TCF4: variants seen among roughly 807,000 people sequenced by gnomAD.
TCF4 encodes the protein transcription factor 4.
Under a neutral mutation model 82.1 loss-of-function variants are expected in TCF4, and 3 were observed. The observed-to-expected ratio is 0.04, with a 90% CI of 0.02 to 0.09. TCF4 has a LOEUF of 0.09. TCF4 is among the 10% of genes least tolerant of loss of function. The probability of loss-of-function intolerance (pLI) is 1.00; values close to 1 mark genes in which losing one functional copy is unlikely to be tolerated. For synonymous variants in TCF4, 276 were observed against 309.6 expected, an observed-to-expected ratio of 0.89 and a Z score of 1.14; for missense variants, 518 against 852.7, an observed-to-expected ratio of 0.61 and a Z score of 4.89.
rs2046140170 is a variant in TCF4, at chr18:55,223,474, T to G, written c.*4561A>C. 6.6e-6 allele frequency: 1 copy of G among 152,644 alleles called. No homozygotes were observed. The highest frequency in any genetic ancestry group is 2.4e-5 in the African/African-American group (1 of 41,460). 9.5% of individuals were successfully genotyped at this position (152,644 alleles called of 1,614,324 possible). On this transcript the variant is annotated 3_prime_UTR_variant, in exon 20 of 20. Transcript: ENST00000354452. ...CAGTTTATAAAAATGGCACATTTAT[T>G]GCTACAGAACGGTCATGTACATGAC...
chr18:55,596,028 T>C (rs2097690539), intron 2 of TCF4: 1 of 373,386 alleles, frequency 2.7e-6, no homozygotes, highest in Non-Finnish European at 5.3e-6. Context: ...AGGTCAGGAG[T>C]TCGTGACCAG....
chr18:55,613,997 C>T (rs1026909755), intron 2 of TCF4, among the ~76,000 whole-genome samples: 13 of 152,160 alleles, frequency 8.5e-5, no homozygotes, highest in African/African-American at 3.1e-4. Context: ...TAGCTCACTG[C>T]GGCCTGGGCT....
At chr18:55,464,004 A>AAC in intron 4 of TCF4, 72 bp downstream of exon 4, 5 of 1,276,912 alleles carry the variant, frequency 3.9e-6, no homozygotes, top group Non-Finnish European at 5.6e-6. Flanking sequence ...GAGAGAGAGA[A>AAC]ACACACCTTC....
At chr18:55,520,913 T>A (rs1300522330) in intron 3 of TCF4, among the ~76,000 whole-genome samples, 3 of 152,238 alleles carry the variant, frequency 2.0e-5, no homozygotes, top group Non-Finnish European at 4.4e-5. Flanking sequence ...TGACATTTTT[T>A]TCTTTCAGCC....
intron 8 of TCF4, among the ~76,000 whole-genome samples, chr18:55,284,891 T>A (rs1455917420): frequency 6.6e-6 from 1 of 152,188 alleles, no homozygotes; most frequent in Admixed American, 6.5e-5. Context: ...TGAGTGCCAC[T>A]GATGTCCACA....
intron 8 of TCF4, among the ~76,000 whole-genome samples, chr18:55,304,882 T>TTTAA (rs2069695120): frequency 6.6e-6 from 1 of 152,176 alleles, no homozygotes; most frequent in Non-Finnish European, 1.5e-5. Flanking sequence ...TGGCCTAGTT[T>TTTAA]TTAACTCAGA....
chr18:55,416,308 T>C (rs1446981089), intron 5 of TCF4, among the ~76,000 whole-genome samples: 1 of 152,188 alleles, frequency 6.6e-6, no homozygotes, highest in Non-Finnish European at 1.5e-5. Flanking sequence ...TATTTACTTT[T>C]ACAGATAAAA....
intron 6 of TCF4, among the ~76,000 whole-genome samples, chr18:55,377,965 G>A (rs1359685094): frequency 6.6e-6 from 1 of 152,120 alleles, no homozygotes; most frequent in Non-Finnish European, 1.5e-5. Flanking sequence ...ATGTTACTGT[G>A]CCATTTTGTA....
At chr18:55,412,673 G>C (rs1444517229) in intron 5 of TCF4, among the ~76,000 whole-genome samples, 1 of 152,190 alleles carries the variant, frequency 6.6e-6, no homozygotes, top group Non-Finnish European at 1.5e-5. Context: ...CATTGGAGGA[G>C]ATGGGTGACA....
chr18:55,291,723 C>T (rs773531306), intron 8 of TCF4, among the ~76,000 whole-genome samples: 87 of 152,114 alleles, frequency 5.7e-4, no homozygotes, highest in African/African-American at 1.9e-3. Context: ...CCCTCCTGCC[C>T]GGGGCAAACT....
chr18:55,392,522 AAC>A (rs927244741), intron 6 of TCF4, among the ~76,000 whole-genome samples: 3 of 151,548 alleles, frequency 2.0e-5, no homozygotes, highest in African/African-American at 7.3e-5. Context: ...CCTTCTCTAT[AAC>A]AGTCATCACC....
intron 10 of TCF4, among the ~76,000 whole-genome samples, chr18:55,273,785 C>T (rs1369362751): frequency 6.6e-6 from 1 of 152,118 alleles, no homozygotes; most frequent in Non-Finnish European, 1.5e-5. Flanking sequence ...ATGATATTTT[C>T]TCTCTAGTTC....
intron 3 of TCF4, among the ~76,000 whole-genome samples, chr18:55,533,009 G>A (rs934762090): frequency 6.6e-6 from 1 of 152,142 alleles, no homozygotes; most frequent in Admixed American, 6.5e-5. Flanking sequence ...TGACATAAGT[G>A]TTACTATTTC....
intron 8 of TCF4, among the ~76,000 whole-genome samples, chr18:55,304,476 C>T (rs1408321172): frequency 6.6e-6 from 1 of 152,114 alleles, no homozygotes; most frequent in Non-Finnish European, 1.5e-5. Context: ...TTTACAACCA[C>T]TATAGACTGA....
At chr18:55,443,815 C>T (rs1322679400) in intron 5 of TCF4, among the ~76,000 whole-genome samples, 1 of 152,184 alleles carries the variant, frequency 6.6e-6, no homozygotes, top group Non-Finnish European at 1.5e-5. Flanking sequence ...CCATTAACTC[C>T]TTATATGCCC....
chr18:55,557,355 T>A (rs921141976), intron 3 of TCF4, among the ~76,000 whole-genome samples: 1 of 152,092 alleles, frequency 6.6e-6, no homozygotes, highest in Non-Finnish European at 1.5e-5. Flanking sequence ...AGAGGATCAC[T>A]GGAGCCCTGG....
chr18:55,458,462 G>A (rs2095809384), intron 5 of TCF4, among the ~76,000 whole-genome samples: 1 of 152,356 alleles, frequency 6.6e-6, no homozygotes, highest in East Asian at 1.9e-4. Context: ...TATATGCTAT[G>A]AGTTCAAACT....
intron 8 of TCF4, among the ~76,000 whole-genome samples, chr18:55,308,346 T>C (rs2147140578): frequency 6.6e-6 from 1 of 152,362 alleles, no homozygotes; most frequent in Non-Finnish European, 1.5e-5. Context: ...ACTGGGCTTC[T>C]AATGTACCCA....
intron 3 of TCF4, among the ~76,000 whole-genome samples, chr18:55,487,954 A>G (rs2096534867): frequency 1.3e-5 from 2 of 152,224 alleles, no homozygotes; most frequent in Non-Finnish European, 2.9e-5. Context: ...GCCCCTGTTA[A>G]AGCCACAAAT....
Sources: gnomAD v4.1 joint callset for allele counts (sites outside exome capture counted in the v4.1 genomes callset) on GRCh38, gnomAD v4.1.1 for gene constraint, MANE v1.5 for transcripts, NCBI Gene and HGNC (gene_info 2026-07-23, HGNC 2026-07-21) for gene names.